The following KRT86 variants were observed in gnomAD, a reference collection of about 807,000 sequenced individuals.
KRT86 encodes the protein keratin 86.
KRT86 carries 30 observed loss-of-function variants against 41.2 expected under a neutral mutation model. The observed-to-expected ratio is 0.73, with a 90% confidence interval of 0.54 to 0.99. The LOEUF (loss-of-function observed/expected upper bound fraction) is 0.99. Among genes scored for constraint, KRT86 ranks in the 50% least tolerant of loss-of-function variants. The pLI, the probability that KRT86 is intolerant of heterozygous loss-of-function variation, is 0.00. For synonymous variants in KRT86, 238 were observed against 238.1 expected, an observed-to-expected ratio of 1.00 and a Z score of 0.00; for missense variants, 561 against 571.4, an observed-to-expected ratio of 0.98 and a Z score of 0.19.
At chr12:52,292,900 T>A (rs900524126) in intron 2 of KRT86, among the ~76,000 whole-genome samples, 1 of 151,908 alleles carries the variant, frequency 6.6e-6, no homozygotes, top group African/African-American at 2.4e-5. Context: ...ACTTTGGGAG[T>A]CTGAGGGGGG....
chr12:52,301,043 T>G (rs1003972266), intron 2 of KRT86, among the ~76,000 whole-genome samples: 7 of 152,086 alleles, frequency 4.6e-5, no homozygotes, highest in Admixed American at 4.6e-4. Context: ...GCCTGAGGAC[T>G]AGTCTACATG....
In KRT86 at chr12:52,308,615, C is replaced by T; in HGVS notation, c.*30C>T. ...CTGCCGCCTCCGCCAGCGCCTGTCGCCGTCACTCTCCACCCAGCCAGTACC... is the reference window on the plus strand; with the variant it reads ...CTGCCGCCTCCGCCAGCGCCTGTCGTCGTCACTCTCCACCCAGCCAGTACC... On this transcript the variant is annotated 3_prime_UTR_variant, in exon 11 of 11. Coordinates refer to ENST00000423955, the MANE Select transcript of KRT86 (RefSeq NM_001320198.2). 6.3e-7 allele frequency: 1 copy of T among 1,586,648 alleles called. No homozygotes were observed. Among genetic ancestry groups the T allele is most frequent in the Non-Finnish European group, 8.5e-7 (1 of 1,173,600 alleles).
In KRT86 at chr12:52,308,944, C is replaced by A. The variant is rs1404950785; in HGVS notation, c.*359C>A. ...AGGCCCGGGAATGTCCCTGTCTGCA[C>A]GACCTGGGACTCTGCCCATGTGCTT... On this transcript the variant is annotated 3_prime_UTR_variant, in exon 11 of 11. Coordinates refer to ENST00000423955, the MANE Select transcript of KRT86 (RefSeq NM_001320198.2). 1.2e-5 allele frequency: 4 copies of A among 321,098 alleles called. No homozygotes were observed. The East Asian group carries it at 2.6e-4, about 21-fold the overall frequency. 19.9% of individuals were successfully genotyped at this position (321,098 alleles called of 1,614,324 possible).
chr12:52,291,196 G>A, intron 2 of KRT86: 1 of 1,357,142 alleles, frequency 7.4e-7, no homozygotes, highest in South Asian at 1.4e-5. Context: ...CCAGGTTGAG[G>A]GGCGTGAGGA....
At position 52,308,523 on chromosome 12, in the gene KRT86, A is replaced by G. The variant is rs1367508765; in HGVS notation, c.1399A>G (p.Thr467Ala). ...CAACAGCAACGTGGTGGTGGGCACT[A>G]CTAACGCCTGCGCCCCCTCCGCCCG... ...PSNSNVVVGTTNACAPSARVG... is the reference protein window; with the variant it reads ...PSNSNVVVGTANACAPSARVG... The change falls in exon 11 of 11, where the codon ACT becomes GCT. Residue 467 changes from threonine (T) to alanine (A), a missense_variant. Coordinates refer to ENST00000423955, the MANE Select transcript of KRT86 (RefSeq NM_001320198.2). The G allele has an allele frequency of 6.2e-7, 1 of 1,604,464 alleles. No homozygotes were observed. Among genetic ancestry groups the G allele is most frequent in the Non-Finnish European group, 8.5e-7 (1 of 1,179,842 alleles).
rs374553856 is a variant in KRT86 at position 52,305,395 on chromosome 12, C to T, written c.891C>T (p.Tyr297=). 13 of 1,614,038 alleles carry T rather than the reference C, an allele frequency of 8.1e-6. No individual in the cohort carries two copies. In the African/African-American group the frequency reaches 1.3e-4, roughly 17 times the overall value. The change falls in exon 7 of 11, where the codon TAC becomes TAT. Residue 297 remains tyrosine, a synonymous_variant. Coordinates refer to ENST00000423955, the MANE Select transcript of KRT86 (RefSeq NM_001320198.2). ...TRSRAEAESW[Y]RSKCEEMKAT... is the part of the protein sequence containing the mutation. ...GCCGGGCTGAGGCCGAGTCCTGGTA[C>T]CGCAGCAAGGTGAGTGGCACAGGAC...
At chr12:52,287,417 C>A in intron 2 of KRT86, 2 of 1,573,448 alleles carry the variant, frequency 1.3e-6, no homozygotes, top group Non-Finnish European at 1.7e-6. Flanking sequence ...GCTGGGAGCA[C>A]CCCAGAACAG....
chr12:52,301,763 C>G, intron 2 of KRT86, 150 bp from the exon 3 acceptor site: 1 of 1,504,058 alleles, frequency 6.6e-7, no homozygotes, highest in African/African-American at 1.4e-5. Flanking sequence ...GCCCATAAAG[C>G]CTTCTAATTG....
At chr12:52,297,530 A>C (rs1938278875) in intron 2 of KRT86, among the ~76,000 whole-genome samples, 1 of 152,216 alleles carries the variant, frequency 6.6e-6, no homozygotes, top group South Asian at 2.1e-4. Flanking sequence ...AGGGAGCAGA[A>C]TGAACCGAAG....
Position 52,301,928 on chromosome 12 carries a change from A to C in KRT86, c.12A>C (p.Gly4=), listed in dbSNP as rs756434438. 2.5e-6 allele frequency: 4 copies of C among 1,613,808 alleles called. No individual in the cohort carries two copies. The South Asian group carries it at 4.4e-5, about 18-fold the overall frequency. ...CCCCAAAAAGCACCATGACTTGTGG[A>C]TCTTACTGTGGTGGCCGCGCCTTCA... is the stretch of plus-strand genomic sequence containing the variant. MTC[G]SYCGGRAFSC... is the part of the protein sequence containing the mutation. Residue 4 remains glycine (G), a synonymous_variant, in exon 3 of 11, where the codon GGA becomes GGC. Transcript: ENST00000423955.
intron 2 of KRT86, among the ~76,000 whole-genome samples, chr12:52,300,489 A>G (rs1938346389): frequency 6.6e-6 from 1 of 152,206 alleles, no homozygotes; most frequent in Admixed American, 6.5e-5. Context: ...CTAAGGCAGT[A>G]GTAGGAGGGA....
At chr12:52,296,743 G>A (rs781028085) in intron 2 of KRT86, among the ~76,000 whole-genome samples, 1 of 152,198 alleles carries the variant, frequency 6.6e-6, no homozygotes, top group Non-Finnish European at 1.5e-5. Context: ...TGTGTAAGCA[G>A]CCACTCCACT....
At chr12:52,293,362 G>T (rs1938179622) in intron 2 of KRT86, among the ~76,000 whole-genome samples, 1 of 152,210 alleles carries the variant, frequency 6.6e-6, no homozygotes, top group South Asian at 2.1e-4. Context: ...CTCCCAGCTG[G>T]TAAGTGATGG....
intron 2 of KRT86, chr12:52,287,085 C>A: frequency 6.2e-7 from 1 of 1,612,768 alleles, no homozygotes; most frequent in Non-Finnish European, 8.5e-7. Flanking sequence ...TTCTGGGCCA[C>A]CCTTGGTTGG....
intron 2 of KRT86, chr12:52,291,508 C>T (rs758210072): frequency 6.2e-7 from 1 of 1,607,580 alleles, no homozygotes; most frequent in Non-Finnish European, 8.5e-7. Flanking sequence ...GGATAGGGGA[C>T]CTGGAGTCCT....
chr12:52,306,111 G>C lies in KRT86; in HGVS notation c.1078G>C (p.Ala360Pro), dbSNP rs1281425095. 1 of 1,614,028 alleles carries C rather than the reference G, an allele frequency of 6.2e-7. No individual in the cohort carries two copies. Among genetic ancestry groups the C allele is most frequent in the Non-Finnish European group, 8.5e-7 (1 of 1,180,054 alleles). Residue 360 changes from alanine (A) to proline (P), a missense_variant, in exon 9 of 11, where the codon GCC becomes CCC. Physicochemically the swap from Ala to Pro is conservative, Grantham distance 27. Transcript: ENST00000423955. ...TCAGTCTGAGCAGCAGGGTGAGGCG[G>C]CCCTCAGCGATGCCCGCTGCAAGTT... ...VAQSEQQGEA[A>P]LSDARCKLAE... is the part of the protein sequence containing the mutation.
chr12:52,284,035 G>A (rs1426743843), intron 2 of KRT86, among the ~76,000 whole-genome samples: 2 of 152,138 alleles, frequency 1.3e-5, no homozygotes, highest in African/African-American at 4.8e-5. Flanking sequence ...GTGAAATACG[G>A]CAGGTCACTA....
intron 2 of KRT86, among the ~76,000 whole-genome samples, chr12:52,298,895 G>C (rs915767346): frequency 2.6e-5 from 4 of 152,066 alleles, no homozygotes; most frequent in Non-Finnish European, 5.9e-5. Context: ...ACTGTGTACT[G>C]ATCAAATCAG....
intron 10 of KRT86, 69 bp from the exon 11 acceptor site, chr12:52,308,335 C>T (rs919281066): frequency 6.2e-7 from 1 of 1,612,758 alleles, no homozygotes; most frequent in Non-Finnish European, 8.5e-7. Flanking sequence ...GGCGCGTGGG[C>T]TCGCAGCAAA....
Sources: gnomAD v4.1 joint callset for allele counts (sites outside exome capture counted in the v4.1 genomes callset) on GRCh38, gnomAD v4.1.1 for gene constraint, MANE v1.5 for transcripts, NCBI Gene and HGNC (gene_info 2026-07-23, HGNC 2026-07-21) for gene names.